PICALM: variants seen among roughly 807,000 people sequenced by gnomAD.
PICALM encodes phosphatidylinositol binding clathrin assembly protein.
Under a neutral mutation model 80.5 loss-of-function variants are expected in PICALM, and 40 were observed. That is an observed-to-expected ratio of 0.50 (90% confidence interval 0.39 to 0.65). The LOEUF is 0.65. Ranked by LOEUF, PICALM falls within the 30% of genes least tolerant of loss-of-function variation. The probability of loss-of-function intolerance (pLI) is 0.00; values close to 1 mark genes in which losing one functional copy is unlikely to be tolerated. For missense variants in PICALM, 676 were observed against 778.9 expected (o/e 0.87, Z 1.57); for synonymous variants, 288 against 260.3 (o/e 1.11, Z -1.02).
In PICALM at chr11:86,056,146, A is replaced by AAAAAAAG. The variant is rs1229197701; in HGVS notation, c.130+12504_130+12505insCTTTTTT. ...CAAGACTCTGTCTTTAAAAAAAAAA[A>AAAAAAAG]AAAAGAAAAAACCCTTGAAAAATTA... On this transcript the variant is annotated intron_variant, in intron 1 of 19. Transcript: ENST00000393346. Among the ~76,000 whole-genome samples, 69 of 149,188 alleles carry AAAAAAAG rather than the reference A, an allele frequency of 4.6e-4. 4 individuals carry two copies. Among genetic ancestry groups the AAAAAAAG allele is most frequent in the African/African-American group, 1.7e-3 (69 of 40,766 alleles).
chr11:85,961,133 T>C (rs1474018964), intron 19 of PICALM, among the ~76,000 whole-genome samples: 1 of 152,180 alleles, frequency 6.6e-6, no homozygotes, highest in Non-Finnish European at 1.5e-5. Flanking sequence ...CATTTTTGTT[T>C]AAAATTGAGA....
chr11:85,983,468 G>C (rs544678280), intron 14 of PICALM, among the ~76,000 whole-genome samples: 28 of 152,232 alleles, frequency 1.8e-4, no homozygotes, highest in Admixed American at 1.4e-3. Flanking sequence ...GGTACCACAA[G>C]TTATATTATT....
intron 3 of PICALM, chr11:86,023,633 AC>A (rs1426061465): frequency 8.5e-5 from 77 of 907,958 alleles, no homozygotes; most frequent in Admixed American, 5.6e-4. Flanking sequence ...CTAATAAGAC[AC>A]AAAAAACCTA....
intron 1 of PICALM, among the ~76,000 whole-genome samples, chr11:86,050,409 G>A (rs967282420): frequency 2.0e-5 from 3 of 152,084 alleles, no homozygotes; most frequent in Non-Finnish European, 4.4e-5. Flanking sequence ...AGCCAAAAAT[G>A]TGCAAGCAAT....
intron 2 of PICALM, among the ~76,000 whole-genome samples, chr11:86,028,373 T>A (rs1344379930): frequency 1.3e-5 from 2 of 152,242 alleles, no homozygotes; most frequent in African/African-American, 4.8e-5. Flanking sequence ...CCATTCACTC[T>A]ACTATTGTGT....
Position 86,001,137 on chromosome 11 carries a change from T to C in PICALM, c.915A>G (p.Ala305=). Residue 305 remains alanine, a synonymous_variant, in exon 10 of 20, where the codon GCA becomes GCG. Transcript: ENST00000393346. ...AASRATTLSN[A]VSSLASTGLS... ...GACCAGTGCTTGCCAGGGAAGACAC[T>C]GCATTGGAAAGTGTAGTTGCCCTAG... 6.2e-7 allele frequency: 1 copy of C among 1,613,942 alleles called. No individual in the cohort carries two copies. The highest frequency in any genetic ancestry group is 8.5e-7 in the Non-Finnish European group (1 of 1,179,894).
At chr11:86,032,095 C>A (rs569026205) in intron 1 of PICALM, among the ~76,000 whole-genome samples, 19 of 152,180 alleles carry the variant, frequency 1.2e-4, no homozygotes, top group African/African-American at 4.3e-4. Flanking sequence ...AGAATGCTGT[C>A]TTTGCAACAG....
Position 85,986,365 on chromosome 11 carries a change from A to ATTTTTT in PICALM, c.1409-2398_1409-2393dup, listed in dbSNP as rs775072780. On this transcript the variant is annotated intron_variant, in intron 13 of 19. Coordinates refer to ENST00000393346, the MANE Select transcript of PICALM (RefSeq NM_007166.4). Reference sequence around the variant, plus strand: ...AAACTATCAGGACTGCCAACTTTTAATTTTTTTTTTTTTTTTTTTTTTTTT... The same window carrying ATTTTTT: ...AAACTATCAGGACTGCCAACTTTTAATTTTTTTTTTTTTTTTTTTTTTTTTTTTTTT... 8.5e-4 allele frequency among the ~76,000 whole-genome samples: 63 copies of ATTTTTT among 73,746 alleles called. 10 individuals carry two copies. The highest frequency in any genetic ancestry group is 1.3e-3 in the African/African-American group (23 of 17,846). 48.4% of individuals were successfully genotyped at this position (73,746 alleles called of 152,430 possible). A position where few individuals can be genotyped will look rare whatever the true frequency, so the allele number is the denominator to read the frequency against.
At chr11:86,002,348 C>T (rs1262991670) in intron 9 of PICALM, among the ~76,000 whole-genome samples, 3 of 152,088 alleles carry the variant, frequency 2.0e-5, no homozygotes, top group African/African-American at 7.2e-5. Flanking sequence ...ACCAGAAAGT[C>T]TAAAAAGAAC....
At chr11:86,020,094 T>G (rs913650498) in intron 4 of PICALM, among the ~76,000 whole-genome samples, 1 of 152,184 alleles carries the variant, frequency 6.6e-6, no homozygotes, top group Non-Finnish European at 1.5e-5. Context: ...GCACTGACTA[T>G]ATCATTCATG....
chr11:86,035,632 T>C (rs2095827153), intron 1 of PICALM, among the ~76,000 whole-genome samples: 1 of 152,140 alleles, frequency 6.6e-6, no homozygotes, highest in South Asian at 2.1e-4. Context: ...AAAATTGATT[T>C]ATTCAGTCAT....
chr11:86,007,991 A>C (rs1320123224), intron 7 of PICALM, among the ~76,000 whole-genome samples: 7 of 152,166 alleles, frequency 4.6e-5, no homozygotes, highest in African/African-American at 1.7e-4. Context: ...AAACCTGAAG[A>C]CATCGACTTT....
chr11:86,034,658 C>CT (rs552463704), intron 1 of PICALM, among the ~76,000 whole-genome samples: 25 of 151,736 alleles, frequency 1.6e-4, no homozygotes, highest in African/African-American at 6.0e-4. Context: ...CCCACACACA[C>CT]TAAAAAAAAA....
At chr11:85,974,851 T>C in intron 18 of PICALM, 39 bp from the exon 19 acceptor site, 1 of 1,322,316 alleles carries the variant, frequency 7.6e-7, no homozygotes, top group Non-Finnish European at 1.1e-6. Flanking sequence ...CTGACTCCTA[T>C]CTTCCTTATT....
chr11:85,990,780 T>C (rs1180340076), intron 12 of PICALM, among the ~76,000 whole-genome samples: 2 of 152,100 alleles, frequency 1.3e-5, no homozygotes, highest in Non-Finnish European at 2.9e-5. Context: ...ATATTGACAA[T>C]TGGTATGTGT....
intron 1 of PICALM, among the ~76,000 whole-genome samples, chr11:86,044,597 A>G (rs1334503919): frequency 6.6e-6 from 1 of 152,192 alleles, no homozygotes; most frequent in African/African-American, 2.4e-5. Context: ...TAAGTGACGT[A>G]ACTGTAGCTA....
rs80050776 is a variant in PICALM at position 85,962,683 on chromosome 11, G to A, written c.1945-3623C>T. ...TCTTAAATTGGTAAAACACATACAC[G>A]TCTCATATCTATAAAAATGTAGCCA... On this transcript the variant is annotated intron_variant, in intron 19 of 19. Coordinates refer to ENST00000393346, the MANE Select transcript of PICALM (RefSeq NM_007166.4). 4.0e-3 allele frequency among the ~76,000 whole-genome samples: 614 copies of A among 152,212 alleles called. 5 individuals are homozygous for A. Among genetic ancestry groups the A allele is most frequent in the African/African-American group, 0.014 (585 of 41,508 alleles).
intron 4 of PICALM, among the ~76,000 whole-genome samples, chr11:86,020,982 A>C (rs2136476012): frequency 6.6e-6 from 1 of 152,330 alleles, no homozygotes; most frequent in African/African-American, 2.4e-5. Context: ...ATGCGATAAG[A>C]AACTGGTGCC....
chr11:86,011,124 T>C lies in PICALM; in HGVS notation c.671A>G (p.Asp224Gly). Residue 224 changes from aspartate to glycine, a missense_variant, in exon 7 of 20, where the codon GAT (aspartate) becomes GGT (glycine). By Grantham distance (94) the Asp-to-Gly change is moderately conservative (BLOSUM62 -1). This residue lies in a region of PICALM where 285 missense variants were observed against 395.4 expected (regional missense o/e 0.72). Coordinates refer to ENST00000393346, the MANE Select transcript of PICALM (RefSeq NM_007166.4). ...TTCTTTGCATTGGTTCTTTTTCATA[T>C]CAAAATATTTTTCTGACAAAATAAA... ...GIINLLEKYF[D>G]MKKNQCKEGL... is the part of the protein sequence containing the mutation. 2 of 1,366,012 alleles carry C rather than the reference T, an allele frequency of 1.5e-6. No individual in the cohort carries two copies. The highest frequency in any genetic ancestry group is 1.2e-5 in the South Asian group (1 of 80,132). The allele number at this position is 1,366,012 out of a possible 1,614,324, so 84.6% of individuals were successfully genotyped here.
Sources: gnomAD v4.1 joint callset for allele counts (sites outside exome capture counted in the v4.1 genomes callset) on GRCh38, gnomAD v4.1.1 for gene constraint, gnomAD v4.1.1 regional missense constraint, MANE v1.5 for transcripts, NCBI Gene and HGNC (gene_info 2026-07-23, HGNC 2026-07-21) for gene names.